ASIC2: variants seen among roughly 807,000 people sequenced by gnomAD.
ASIC2 encodes acid sensing ion channel subunit 2, also known as acid-sensing ion channel 2.
Under a neutral mutation model 57.3 loss-of-function variants are expected in ASIC2, and 25 were observed. The ratio of observed to expected loss-of-function variants is 0.44; its 90% CI spans 0.32 to 0.61. The LOEUF is 0.61. Ranked by LOEUF, ASIC2 falls within the 20% of genes least tolerant of loss-of-function variation. The pLI is 0.06. For synonymous variants in ASIC2, 319 were observed against 307.5 expected, an observed-to-expected ratio of 1.04 and a Z score of -0.39; for missense variants, 641 against 738.1, an observed-to-expected ratio of 0.87 and a Z score of 1.52.
chr17:33,476,951 A>C (rs1913249843), intron 1 of ASIC2, among the ~76,000 whole-genome samples: 2 of 152,134 alleles, frequency 1.3e-5, no homozygotes, highest in Non-Finnish European at 2.9e-5. Flanking sequence ...TTTGGAGACC[A>C]AAAACAGTAG....
At chr17:33,187,660 T>C (rs1037641350) in intron 1 of ASIC2, among the ~76,000 whole-genome samples, 1 of 151,994 alleles carries the variant, frequency 6.6e-6, no homozygotes, top group African/African-American at 2.4e-5. Context: ...ACAGACAATA[T>C]GTGAAAGAAT....
intron 1 of ASIC2, among the ~76,000 whole-genome samples, chr17:33,833,504 G>A (rs1913179210): frequency 6.6e-6 from 1 of 151,924 alleles, no homozygotes; most frequent in Non-Finnish European, 1.5e-5. Flanking sequence ...CTGTGTGTGT[G>A]TGTATGTGCG....
intron 1 of ASIC2, among the ~76,000 whole-genome samples, chr17:34,128,804 G>C (rs1911864762): frequency 1.3e-5 from 2 of 152,196 alleles, no homozygotes; most frequent in African/African-American, 4.8e-5. Flanking sequence ...TGTCAGCAGA[G>C]GGGGTAGTCT....
chr17:33,678,698 G>A (rs943789942), intron 1 of ASIC2, among the ~76,000 whole-genome samples: 4 of 152,136 alleles, frequency 2.6e-5, no homozygotes, highest in African/African-American at 9.7e-5. Flanking sequence ...GTTCGGTGAG[G>A]AGTTTGGCCC....
chr17:33,714,512 T>G (rs901761137), intron 1 of ASIC2, among the ~76,000 whole-genome samples: 3 of 152,204 alleles, frequency 2.0e-5, no homozygotes, highest in Non-Finnish European at 2.9e-5. Context: ...CACTACATAC[T>G]GAATGGTGCC....
At chr17:34,107,977 C>T (rs1911121764) in intron 1 of ASIC2, among the ~76,000 whole-genome samples, 1 of 149,082 alleles carries the variant, frequency 6.7e-6, no homozygotes, top group Non-Finnish European at 1.5e-5. Context: ...TCCAATTTCA[C>T]TATTTTCCAG....
At chr17:33,830,984 C>T (rs1308073370) in intron 1 of ASIC2, among the ~76,000 whole-genome samples, 2 of 151,386 alleles carry the variant, frequency 1.3e-5, no homozygotes, top group East Asian at 1.9e-4. Context: ...ATGGCATGCA[C>T]CTGTAATCCC....
chr17:33,581,849 C>T lies in ASIC2; in HGVS notation c.556-469782G>A, dbSNP rs531148729. On this transcript the variant is annotated intron_variant, in intron 1 of 9. Transcript: ENST00000359872. ...CCTTTGCTCCTTTGCTACTCTGGAG[C>T]GGGGAGGTGGGGTTTTTCCTTTTGG... is the stretch of plus-strand genomic sequence containing the variant. Among the ~76,000 whole-genome samples, 10 of 152,244 alleles carry T rather than the reference C, an allele frequency of 6.6e-5. No individual in the cohort carries two copies. The South Asian group carries it at 8.3e-4, about 13-fold the overall frequency.
chr17:34,130,369 A>C (rs1290539691), intron 1 of ASIC2, among the ~76,000 whole-genome samples: 1 of 152,182 alleles, frequency 6.6e-6, no homozygotes, highest in Non-Finnish European at 1.5e-5. Context: ...TTACGAGGAG[A>C]TGCAACAGTT....
intron 1 of ASIC2, among the ~76,000 whole-genome samples, chr17:33,845,638 G>T (rs529073806): frequency 6.6e-6 from 1 of 152,158 alleles, no homozygotes; most frequent in African/African-American, 2.4e-5. Context: ...TGGAATAATC[G>T]TATTTTGAAT....
intron 1 of ASIC2, among the ~76,000 whole-genome samples, chr17:33,714,506 A>G (rs1365381052): frequency 6.6e-6 from 1 of 152,252 alleles, no homozygotes; most frequent in South Asian, 2.1e-4. Flanking sequence ...GCAAAACACT[A>G]CATACTGAAT....
intron 1 of ASIC2, among the ~76,000 whole-genome samples, chr17:33,734,350 C>T (rs1241327658): frequency 4.6e-5 from 7 of 152,130 alleles, no homozygotes; most frequent in Non-Finnish European, 8.8e-5. Context: ...CACGTGAGGT[C>T]GAACCTTCCT....
At chr17:33,958,025 C>T (rs1904794344) in intron 1 of ASIC2, among the ~76,000 whole-genome samples, 1 of 152,228 alleles carries the variant, frequency 6.6e-6, no homozygotes, top group South Asian at 2.1e-4. Context: ...AGTCCAAAAT[C>T]TAATAGGGTA....
intron 1 of ASIC2, among the ~76,000 whole-genome samples, chr17:33,981,697 AG>A (rs904569852): frequency 1.5e-4 from 22 of 144,078 alleles, no homozygotes; most frequent in African/African-American, 3.3e-4. Context: ...GAAAGAAGGG[AG>A]GGGGGGAAGA....
intron 1 of ASIC2, among the ~76,000 whole-genome samples, chr17:33,179,559 G>A (rs1446860524): frequency 6.6e-6 from 1 of 152,174 alleles, no homozygotes; most frequent in Non-Finnish European, 1.5e-5. Context: ...ACTCTTTCTA[G>A]TATAAAGGAA....
In ASIC2 at chr17:34,156,344, C is replaced by T; in HGVS notation, c.189G>A (p.Arg63=). The change falls in exon 1 of 10, where the codon AGG becomes AGA. Residue 63 remains arginine, a synonymous_variant. Coordinates refer to the ASIC2 transcript ENST00000359872. This position sits in a 1 kb window ranked among gnomAD's most constrained non-coding sequence, Gnocchi z 4.4. ...GCTGGTAGGAGAAGTAGTAGGACAC[C>T]CTCTCAGAGCTCTCCACCAGCAGCA... 9 of 1,614,180 alleles carry T rather than the reference C, an allele frequency of 5.6e-6. No homozygotes were observed. Among genetic ancestry groups the T allele is most frequent in the Non-Finnish European group, 7.6e-6 (9 of 1,180,038 alleles).
intron 1 of ASIC2, among the ~76,000 whole-genome samples, chr17:33,660,851 T>A (rs866720999): frequency 1.5e-4 from 23 of 152,234 alleles, no homozygotes; most frequent in African/African-American, 5.3e-4. Context: ...AACTTTGCCC[T>A]CCCACTGCAC....
chr17:33,205,875 C>A (rs1015785259), intron 1 of ASIC2, among the ~76,000 whole-genome samples: 1 of 152,230 alleles, frequency 6.6e-6, no homozygotes, highest in Non-Finnish European at 1.5e-5. Flanking sequence ...AACATTCATT[C>A]TTCTCTGGGC....
At chr17:33,461,335 T>C (rs1429559796) in intron 1 of ASIC2, among the ~76,000 whole-genome samples, 3 of 152,238 alleles carry the variant, frequency 2.0e-5, no homozygotes, top group African/African-American at 7.2e-5. Flanking sequence ...TGTTTTCCCA[T>C]TGCCCTTCTC....
Sources: gnomAD v4.1 joint callset for allele counts (sites outside exome capture counted in the v4.1 genomes callset) on GRCh38, gnomAD v4.1.1 for gene constraint, Gnocchi (gnomAD v3.1) non-coding constraint, MANE v1.5 for transcripts, NCBI Gene and HGNC (gene_info 2026-07-23, HGNC 2026-07-21) for gene names.